The following CALN1 variants were observed in gnomAD, a reference collection of about 807,000 sequenced individuals.
CALN1 encodes calneuron 1.
A neutral mutation model predicts 30.6 loss-of-function variants in CALN1; 17 were observed. That is an observed-to-expected ratio of 0.56 (90% confidence interval 0.38 to 0.83). The LOEUF (loss-of-function observed/expected upper bound fraction) is 0.83. Ranked by LOEUF, CALN1 falls within the 40% of genes least tolerant of loss-of-function variation. The probability of loss-of-function intolerance (pLI) is 0.00; values close to 1 mark genes in which losing one functional copy is unlikely to be tolerated. For synonymous variants in CALN1, 156 were observed against 131.4 expected, an observed-to-expected ratio of 1.19 and a Z score of -1.28; for missense variants, 291 against 354.9, an observed-to-expected ratio of 0.82 and a Z score of 1.45.
chr7:71,902,010 C>A (rs1793876969), intron 5 of CALN1, among the ~76,000 whole-genome samples: 1 of 152,124 alleles, frequency 6.6e-6, no homozygotes, highest in African/African-American at 2.4e-5. Flanking sequence ...AAAATATCTA[C>A]AAACTCTGCA....
intron 2 of CALN1, among the ~76,000 whole-genome samples, chr7:72,286,842 G>A (rs1020645199): frequency 6.6e-6 from 1 of 152,170 alleles, no homozygotes; most frequent in African/African-American, 2.4e-5. Flanking sequence ...TGCCAATAAT[G>A]ATATAATACA....
At chr7:72,450,542 G>C (rs376266508), upstream of CALN1, among the ~76,000 whole-genome samples, 1 of 152,120 alleles carries the variant, frequency 6.6e-6, no homozygotes, top group Non-Finnish European at 1.5e-5. Flanking sequence ...TTCCTACTAC[G>C]TCCTCCTCAA....
intron 3 of CALN1, among the ~76,000 whole-genome samples, chr7:72,246,570 A>G (rs139083750): frequency 6.6e-6 from 1 of 152,252 alleles, no homozygotes; most frequent in African/African-American, 2.4e-5. Context: ...CTCTTTCGAG[A>G]GAATGTTTTG....
At chr7:72,297,313 A>AG (rs1314137328) in intron 2 of CALN1, among the ~76,000 whole-genome samples, 8 of 152,306 alleles carry the variant, frequency 5.3e-5, no homozygotes, top group African/African-American at 1.9e-4. Context: ...TTAAGAAAAT[A>AG]GGAAAAAAAG....
chr7:72,389,591 G>A (rs1049298552), intron 2 of CALN1, among the ~76,000 whole-genome samples: 1 of 152,148 alleles, frequency 6.6e-6, no homozygotes, highest in Non-Finnish European at 1.5e-5. Context: ...CTTGCCCTGG[G>A]ATAAAAAGTC....
At chr7:72,229,044 T>TG (rs1793893639) in intron 3 of CALN1, among the ~76,000 whole-genome samples, 1 of 151,150 alleles carries the variant, frequency 6.6e-6, no homozygotes, top group African/African-American at 2.4e-5. Context: ...GAATTACAGG[T>TG]ATGGGCCACC....
chr7:72,105,287 A>G (rs1448653185), intron 4 of CALN1, among the ~76,000 whole-genome samples: 1 of 151,956 alleles, frequency 6.6e-6, no homozygotes, highest in Non-Finnish European at 1.5e-5. Flanking sequence ...TCCTCCTTCC[A>G]CTTATATTTG....
rs1562868318 is a variant in CALN1 at position 72,308,375 on chromosome 7, GAGAGAGAGAGAGAGA to G, written c.120-29580_120-29566del. Among the ~76,000 whole-genome samples the G allele has an allele frequency of 7.7e-4, 23 of 29,910 alleles. No homozygotes were observed. The East Asian group carries it at 9.3e-3, about 12-fold the overall frequency. The allele number at this position is 29,910 out of a possible 152,430, so 19.6% of individuals were successfully genotyped here. A position where few individuals can be genotyped will look rare whatever the true frequency, so the allele number is the denominator to read the frequency against. On this transcript the variant is annotated intron_variant, in intron 2 of 6. Coordinates refer to ENST00000395275, the MANE Select transcript of CALN1 (RefSeq NM_031468.4). ...TGAGATGCTGTCTGTGGGGGGGGGAGAGAGAGAGAGAGAGAGAGAGAGAGAGAGAGGAAAGAAAGG... is the reference window on the plus strand; with the variant it reads ...TGAGATGCTGTCTGTGGGGGGGGGAGGAGAGAGAGAGAGAGGAAAGAAAGG...
intron 2 of CALN1, among the ~76,000 whole-genome samples, chr7:72,331,577 A>G (rs1562895296): frequency 1.3e-5 from 2 of 152,224 alleles, no homozygotes; most frequent in Non-Finnish European, 2.9e-5. Context: ...TTTGCCCAGG[A>G]AAGAATTCAA....
chr7:72,289,302 G>A (rs1243693752), intron 2 of CALN1, among the ~76,000 whole-genome samples: 1 of 152,122 alleles, frequency 6.6e-6, no homozygotes, highest in African/African-American at 2.4e-5. Flanking sequence ...TCTCTTGACT[G>A]GTTCACCCAA....
chr7:72,343,049 G>A (rs1443834373), intron 2 of CALN1, among the ~76,000 whole-genome samples: 1 of 152,140 alleles, frequency 6.6e-6, no homozygotes, highest in Admixed American at 6.5e-5. Context: ...GTATCTGGAA[G>A]GAGAGTGCTG....
chr7:72,036,307 G>A (rs190266537), intron 4 of CALN1, among the ~76,000 whole-genome samples: 1 of 152,268 alleles, frequency 6.6e-6, no homozygotes, highest in East Asian at 1.9e-4. Context: ...CTGATAATGT[G>A]TCTTGCTGTG....
At chr7:71,804,164 CT>C (rs1238933998) in intron 6 of CALN1, among the ~76,000 whole-genome samples, 1 of 152,066 alleles carries the variant, frequency 6.6e-6, no homozygotes, top group Non-Finnish European at 1.5e-5. Context: ...CTGAACACCT[CT>C]TAGTAAAATT....
intron 3 of CALN1, among the ~76,000 whole-genome samples, chr7:72,227,244 A>C (rs1050725310): frequency 6.6e-6 from 1 of 151,894 alleles, no homozygotes; most frequent in Admixed American, 6.6e-5. Flanking sequence ...CTTAAAAAAA[A>C]AAAAAAAGAG....
At chr7:72,136,098 G>T (rs185070931) in intron 3 of CALN1, among the ~76,000 whole-genome samples, 44 of 149,806 alleles carry the variant, frequency 2.9e-4, no homozygotes, top group African/African-American at 1.1e-3. Flanking sequence ...TTGCACCACT[G>T]CATTCCAGCC....
intron 2 of CALN1, among the ~76,000 whole-genome samples, chr7:72,311,284 A>G (rs1327546946): frequency 6.6e-6 from 1 of 152,168 alleles, no homozygotes; most frequent in African/African-American, 2.4e-5. Flanking sequence ...CTGTAAGAAC[A>G]CAATATATAA....
rs955218711 is a variant in CALN1, at chr7:71,779,867, G to C, written c.*7908C>G. On this transcript the variant is annotated 3_prime_UTR_variant, in exon 7 of 7. Transcript: ENST00000395275. ...TCTTAGTGGCTTATTCTGGATATGA[G>C]AGCTGCCAAGCTCCAATCGTCCTGG... 1 of 152,182 alleles carries C rather than the reference G, an allele frequency of 6.6e-6. No homozygotes were observed. The highest frequency in any genetic ancestry group is 1.5e-5 in the Non-Finnish European group (1 of 68,040). 9.4% of individuals were successfully genotyped at this position (152,182 alleles called of 1,614,324 possible).
intron 5 of CALN1, among the ~76,000 whole-genome samples, chr7:71,830,586 G>A (rs1162134933): frequency 6.6e-6 from 1 of 152,078 alleles, no homozygotes; most frequent in Non-Finnish European, 1.5e-5. Flanking sequence ...GACCTCAAGT[G>A]ATCCACCTGC....
At chr7:72,190,076 C>T (rs186083133) in intron 3 of CALN1, among the ~76,000 whole-genome samples, 47 of 152,260 alleles carry the variant, frequency 3.1e-4, no homozygotes, top group African/African-American at 1.1e-3. Flanking sequence ...AAACAAACTG[C>T]CAGGTGCAGT....
Sources: gnomAD v4.1 joint callset for allele counts (sites outside exome capture counted in the v4.1 genomes callset) on GRCh38, gnomAD v4.1.1 for gene constraint, MANE v1.5 for transcripts, NCBI Gene and HGNC (gene_info 2026-07-23, HGNC 2026-07-21) for gene names.